PIR: variants seen among roughly 807,000 people sequenced by gnomAD.
PIR encodes the protein pirin, also known as pirin (iron-binding nuclear protein).
Under a neutral mutation model 24.2 loss-of-function variants are expected in PIR, and 22 were observed. That is an observed-to-expected ratio of 0.91 (90% confidence interval 0.65 to 1.30). The LOEUF (loss-of-function observed/expected upper bound fraction) is 1.30, where lower values mean the gene tolerates loss of function less well. Ranked by LOEUF, PIR falls within the 50% of genes most tolerant of loss-of-function variation. The pLI is 0.00. For missense variants in PIR, 220 were observed against 220.3 expected (o/e 1.00, Z 0.01); for synonymous variants, 80 against 79.6 (o/e 1.00, Z -0.03).
chrX:15,402,424 G>A (rs972003756), intron 7 of PIR, among the ~76,000 whole-genome samples: 1 of 110,967 alleles, frequency 9.0e-6, no homozygotes, highest in African/African-American at 3.3e-5. Context: ...TATTTATGGG[G>A]TATATGAGAT....
At chrX:15,448,904 G>A (rs1484620338) in intron 5 of PIR, among the ~76,000 whole-genome samples, 1 of 112,023 alleles carries the variant, frequency 8.9e-6, no homozygotes, top group African/African-American at 3.2e-5. Context: ...GCTGTTTGCC[G>A]GTTTCTCTCC....
intron 3 of PIR, among the ~76,000 whole-genome samples, chrX:15,471,605 C>T (rs1490605775): frequency 9.0e-6 from 1 of 111,292 alleles, no homozygotes; most frequent in African/African-American, 3.3e-5. Context: ...TCTACTATAT[C>T]CCCATACCGC....
chrX:15,430,625 ACTTC>A (rs2147036015), intron 5 of PIR, among the ~76,000 whole-genome samples: 1 of 111,580 alleles, frequency 9.0e-6, no homozygotes, highest in Non-Finnish European at 1.9e-5. Flanking sequence ...CTATAAAACC[ACTTC>A]CTTCCAAACT....
intron 3 of PIR, 90 bp from the exon 4 acceptor site, chrX:15,459,830 T>A (rs762469154): frequency 3.8e-4 from 184 of 485,011 alleles, no homozygotes; most frequent in African/African-American, 3.2e-3. Context: ...TTGTATGAGT[T>A]CCTTGTATAT....
intron 5 of PIR, among the ~76,000 whole-genome samples, chrX:15,440,139 C>T (rs1161360930): frequency 1.8e-5 from 2 of 111,612 alleles, no homozygotes; most frequent in South Asian, 7.6e-4. Context: ...AAGACCATTC[C>T]CCATTGGCTC....
chrX:15,404,359 A>G (rs996268878), intron 7 of PIR, among the ~76,000 whole-genome samples: 4 of 111,986 alleles, frequency 3.6e-5, no homozygotes, highest in Non-Finnish European at 7.5e-5. Context: ...AAATTTATCA[A>G]TGTCTTTTAA....
intron 6 of PIR, among the ~76,000 whole-genome samples, chrX:15,411,682 C>T (rs187257498): frequency 9.0e-5 from 10 of 110,986 alleles, no homozygotes; most frequent in Non-Finnish European, 1.7e-4. Flanking sequence ...ACCTCCCCCC[C>T]GCCACCGGAA....
chrX:15,483,309 A>G (rs1922616980), intron 2 of PIR, among the ~76,000 whole-genome samples: 1 of 110,462 alleles, frequency 9.1e-6, no homozygotes, highest in African/African-American at 3.3e-5. Context: ...CCAGTCCAAT[A>G]TTTAAAAGTA....
intron 4 of PIR, among the ~76,000 whole-genome samples, chrX:15,456,527 C>A (rs758033833): frequency 8.9e-6 from 1 of 112,374 alleles, no homozygotes; most frequent in Non-Finnish European, 1.9e-5. Context: ...CGACTTGAGA[C>A]AATGTGGCCA....
intron 3 of PIR, among the ~76,000 whole-genome samples, chrX:15,462,260 C>T (rs930536065): frequency 1.2e-4 from 13 of 112,112 alleles, no homozygotes; most frequent in African/African-American, 2.6e-4. Context: ...CTCAGGAACA[C>T]GGCAACATTG....
intron 7 of PIR, among the ~76,000 whole-genome samples, chrX:15,401,010 T>A (rs1245500781): frequency 9.1e-6 from 1 of 110,099 alleles, no homozygotes; most frequent in Non-Finnish European, 1.9e-5. Context: ...GTGCTGGGAT[T>A]ACAGGTGTGA....
rs780681894 is a variant in PIR at position 15,438,738 on chromosome X, C to T, written c.481-12748G>A. On this transcript the variant is annotated intron_variant, in intron 5 of 9. Transcript: ENST00000380420. ...CTAGCCGACTGTCAAGTTCTGACAT[C>T]GTCTTGATTGTCCTCTCAGTGGTGG... Among the ~76,000 whole-genome samples, 21 of 111,447 alleles carry T rather than the reference C, an allele frequency of 1.9e-4. No individual in the cohort carries two copies. The South Asian group carries it at 5.9e-3, about 31-fold the overall frequency.
intron 5 of PIR, among the ~76,000 whole-genome samples, chrX:15,442,287 G>C (rs1436960512): frequency 2.7e-5 from 3 of 110,849 alleles, no homozygotes. Context: ...CCACAAAACT[G>C]TGCCGACATA....
At chrX:15,395,293 G>A (rs1386556771) in intron 8 of PIR, among the ~76,000 whole-genome samples, 1 of 111,414 alleles carries the variant, frequency 9.0e-6, no homozygotes, top group African/African-American at 3.3e-5. Flanking sequence ...TTAGATATTT[G>A]GATTCATAAA....
chrX:15,420,104 G>A (rs1220313428), intron 6 of PIR, among the ~76,000 whole-genome samples: 1 of 110,038 alleles, frequency 9.1e-6, no homozygotes, highest in African/African-American at 3.3e-5. Flanking sequence ...GGCTGAGGCA[G>A]GAGAATCACT....
chrX:15,403,717 A>G, intron 7 of PIR, among the ~76,000 whole-genome samples: 1 of 111,829 alleles, frequency 8.9e-6, no homozygotes, highest in Non-Finnish European at 1.9e-5. Flanking sequence ...ATTACTATTC[A>G]ATAGTCAGTT....
intron 6 of PIR, among the ~76,000 whole-genome samples, chrX:15,407,990 G>A (rs1200975631): frequency 9.5e-6 from 1 of 104,853 alleles, no homozygotes; most frequent in Admixed American, 1.0e-4. Flanking sequence ...TTTTTTTTTT[G>A]AGCTGGAGAG....
At chrX:15,487,994 T>C (rs1305399970) in intron 2 of PIR, among the ~76,000 whole-genome samples, 2 of 111,446 alleles carry the variant, frequency 1.8e-5, no homozygotes, top group African/African-American at 6.5e-5. Flanking sequence ...AAAAATAACC[T>C]CTTGGTCGGG....
intron 2 of PIR, 29 bp from the exon 3 acceptor site, chrX:15,479,850 G>T: frequency 1.2e-6 from 1 of 866,349 alleles, no homozygotes; most frequent in Non-Finnish European, 1.7e-6. Flanking sequence ...TTGCAGATTA[G>T]ATATGTCTTT....
Sources: gnomAD v4.1 joint callset for allele counts (sites outside exome capture counted in the v4.1 genomes callset) on GRCh38, gnomAD v4.1.1 for gene constraint, MANE v1.5 for transcripts, NCBI Gene and HGNC (gene_info 2026-07-23, HGNC 2026-07-21) for gene names.